The following KIAA1328 variants were observed in gnomAD, a reference collection of about 807,000 sequenced individuals.
KIAA1328 encodes protein hinderin.
KIAA1328 carries 52 observed loss-of-function variants against 68.1 expected under a neutral mutation model. The ratio of observed to expected loss-of-function variants is 0.76; its 90% CI spans 0.61 to 0.96. The LOEUF is 0.96. Ranked by LOEUF, KIAA1328 falls within the 40% of genes least tolerant of loss-of-function variation. KIAA1328 has a pLI of 0.00. For synonymous variants in KIAA1328, 232 were observed against 239.4 expected (o/e 0.97, Z 0.28); for missense variants, 641 against 677.6 (o/e 0.95, Z 0.60).
intron 5 of KIAA1328, among the ~76,000 whole-genome samples, chr18:36,934,619 G>A (rs1263526751): frequency 6.6e-6 from 1 of 152,126 alleles, no homozygotes; most frequent in East Asian, 1.9e-4. Flanking sequence ...TTTCATCCAT[G>A]TCCATTTGGT....
rs76608865 is a variant in KIAA1328 at position 37,070,873 on chromosome 18, G to A, written c.1232+3328G>A. Among the ~76,000 whole-genome samples the A allele has an allele frequency of 2.0e-3, 304 of 151,876 alleles. 2 individuals are homozygous for A. The highest frequency in any genetic ancestry group is 4.1e-3 in the African/African-American group (169 of 41,434). On this transcript the variant is annotated intron_variant, in intron 7 of 9. Coordinates refer to ENST00000280020, the MANE Select transcript of KIAA1328 (RefSeq NM_020776.3). ...GTCTCCTTTACCTGATGCTAATATA[G>A]CCATTCTTACTTTCATTTTATTAAG...
intron 7 of KIAA1328, among the ~76,000 whole-genome samples, chr18:37,127,911 T>C (rs1348660488): frequency 1.3e-5 from 2 of 152,086 alleles, no homozygotes; most frequent in Non-Finnish European, 2.9e-5. Flanking sequence ...TAGGCCCACA[T>C]ATATATGTTC....
At chr18:37,220,274 A>C (rs1309013263) in intron 9 of KIAA1328, among the ~76,000 whole-genome samples, 1 of 152,246 alleles carries the variant, frequency 6.6e-6, no homozygotes, top group Non-Finnish European at 1.5e-5. Flanking sequence ...AGATCATATA[A>C]GAAACCAAAA....
At chr18:36,871,301 C>T (rs2047936493) in intron 4 of KIAA1328, among the ~76,000 whole-genome samples, 1 of 152,114 alleles carries the variant, frequency 6.6e-6, no homozygotes, top group African/African-American at 2.4e-5. Context: ...AATTTACTTC[C>T]ATCTCTACTT....
chr18:37,138,257 A>G (rs532790797), intron 7 of KIAA1328, among the ~76,000 whole-genome samples: 14 of 152,224 alleles, frequency 9.2e-5, no homozygotes, highest in Non-Finnish European at 1.9e-4. Context: ...AGATGAGGAA[A>G]TGAGGCCCAG....
intron 5 of KIAA1328, among the ~76,000 whole-genome samples, chr18:36,931,503 G>A (rs2050309904): frequency 6.6e-6 from 1 of 152,026 alleles, no homozygotes; most frequent in African/African-American, 2.4e-5. Flanking sequence ...CACAATGTCT[G>A]TGGAAAAATT....
At chr18:37,165,661 G>C (rs1355633117) in intron 8 of KIAA1328, among the ~76,000 whole-genome samples, 1 of 149,298 alleles carries the variant, frequency 6.7e-6, no homozygotes, top group African/African-American at 2.5e-5. Flanking sequence ...GCATGATCTC[G>C]GCTCACCACA....
intron 7 of KIAA1328, among the ~76,000 whole-genome samples, chr18:37,149,372 A>T (rs2058977704): frequency 6.6e-6 from 1 of 152,196 alleles, no homozygotes; most frequent in Non-Finnish European, 1.5e-5. Flanking sequence ...TAGAAAACTG[A>T]AACTTGACCC....
intron 6 of KIAA1328, among the ~76,000 whole-genome samples, chr18:37,012,539 T>G (rs773283516): frequency 6.6e-5 from 10 of 152,212 alleles, no homozygotes; most frequent in Middle Eastern, 3.2e-3. Flanking sequence ...ATATATGATT[T>G]ATAGATTCCC....
Position 36,875,844 on chromosome 18 carries a change from C to T in KIAA1328, c.333-9713C>T, listed in dbSNP as rs772384865. On this transcript the variant is annotated intron_variant, in intron 4 of 9. Transcript: ENST00000280020. The stretch of plus-strand genomic sequence containing the variant: ...CTTATTATTTTGAGATACATTCCAT[C>T]GGTACCTAGTGTATTGAGTGTTTTT... 3.9e-5 allele frequency among the ~76,000 whole-genome samples: 6 copies of T among 152,136 alleles called. No homozygotes were observed. The South Asian group carries it at 6.2e-4, about 16-fold the overall frequency.
chr18:37,034,958 T>G (rs117656823), intron 6 of KIAA1328, among the ~76,000 whole-genome samples: 3 of 152,208 alleles, frequency 2.0e-5, no homozygotes, highest in Non-Finnish European at 1.5e-5. Flanking sequence ...CATTTGATTT[T>G]CTTTTATTAG....
intron 5 of KIAA1328, among the ~76,000 whole-genome samples, chr18:36,910,464 C>A (rs1378618225): frequency 6.6e-6 from 1 of 152,066 alleles, no homozygotes; most frequent in African/African-American, 2.4e-5. Context: ...GGCCTCTGTT[C>A]TGTTCCATTG....
At chr18:37,108,425 G>A (rs2057834545) in intron 7 of KIAA1328, among the ~76,000 whole-genome samples, 1 of 152,020 alleles carries the variant, frequency 6.6e-6, no homozygotes, top group South Asian at 2.1e-4. Context: ...TCACTACCAG[G>A]GTGATGGGAT....
rs1010292241 is a variant in KIAA1328, at chr18:37,223,601, G to A, written c.*1374G>A. On this transcript the variant is annotated 3_prime_UTR_variant, in exon 10 of 10. Coordinates refer to ENST00000280020, the MANE Select transcript of KIAA1328 (RefSeq NM_020776.3). ...CTTTTTACCAACCCCAACTAAACTGGGAGTAAGACTTAGTCAGTGTTGGTA... is the reference window on the plus strand; with the variant it reads ...CTTTTTACCAACCCCAACTAAACTGAGAGTAAGACTTAGTCAGTGTTGGTA... 1.0e-6 allele frequency: 1 copy of A among 985,226 alleles called. No homozygotes were observed. The highest frequency in any genetic ancestry group is 1.7e-5 in the African/African-American group (1 of 57,200). 61.0% of individuals were successfully genotyped at this position (985,226 alleles called of 1,614,324 possible). A position where few individuals can be genotyped will look rare whatever the true frequency, so the allele number is the denominator to read the frequency against.
At chr18:37,209,151 A>G (rs1417180423) in intron 9 of KIAA1328, among the ~76,000 whole-genome samples, 4 of 152,234 alleles carry the variant, frequency 2.6e-5, no homozygotes, top group Non-Finnish European at 2.9e-5. Flanking sequence ...TGCACACATC[A>G]TATGTGTAAG....
intron 6 of KIAA1328, among the ~76,000 whole-genome samples, chr18:36,979,605 TATCAAGCAGGAAG>T (rs1248849589): frequency 1.3e-5 from 2 of 152,132 alleles, no homozygotes; most frequent in Non-Finnish European, 2.9e-5. Flanking sequence ...ATAATATTGG[TATCAAGCAGGAAG>T]ATCCAGCTAC....
intron 7 of KIAA1328, among the ~76,000 whole-genome samples, chr18:37,095,578 C>T (rs1325322212): frequency 6.6e-6 from 1 of 152,012 alleles, no homozygotes; most frequent in East Asian, 1.9e-4. Flanking sequence ...AGAAAAAGCC[C>T]TGCTAAGAGG....
intron 9 of KIAA1328, among the ~76,000 whole-genome samples, chr18:37,200,969 C>T (rs1437475185): frequency 6.6e-6 from 1 of 151,920 alleles, no homozygotes; most frequent in African/African-American, 2.4e-5. Flanking sequence ...ATCAAGGTGT[C>T]TCTTATAGCC....
chr18:37,213,880 TGCATTTATCTGATAACCAGTGATGATGA>T (rs1211482656), intron 9 of KIAA1328, among the ~76,000 whole-genome samples: 10 of 152,244 alleles, frequency 6.6e-5, no homozygotes, highest in African/African-American at 2.2e-4. Context: ...GATTTTGATT[TGCATTTATCTGATAACCAGTGATGATGA>T]GCATTTTTTC....
Sources: allele counts gnomAD v4.1 joint callset (sites outside exome capture counted in the v4.1 genomes callset), GRCh38; gene constraint gnomAD v4.1.1; transcripts MANE v1.5; gene names NCBI Gene and HGNC (gene_info 2026-07-23, HGNC 2026-07-21).